RMC1: variants seen among roughly 807,000 people sequenced by gnomAD.
The protein encoded by RMC1 is regulator of MON1-CCZ1.
A neutral mutation model predicts 95.5 loss-of-function variants in RMC1; 44 were observed. That is an observed-to-expected ratio of 0.46 (90% confidence interval 0.36 to 0.59). RMC1 has a LOEUF of 0.59. Ranked by LOEUF, RMC1 falls within the 20% of genes least tolerant of loss-of-function variation. The pLI, the probability that RMC1 is intolerant of heterozygous loss-of-function variation, is 0.00. For missense variants in RMC1, 705 were observed against 819.6 expected, an observed-to-expected ratio of 0.86 and a Z score of 1.71; for synonymous variants, 320 against 303.6, an observed-to-expected ratio of 1.05 and a Z score of -0.56.
Position 23,516,208 on chromosome 18 carries a change from G to T in RMC1, c.550-112G>T, listed in dbSNP as rs569591667. ...CTGTGAGAGGACATGGGGGACGGTG[G>T]AAAGGATCCAAAGACGAAGTCTGTG... On this transcript the variant is annotated intron_variant, in intron 6 of 19. Transcript: ENST00000269221. 1.6e-4 allele frequency: 225 copies of T among 1,393,570 alleles called. 1 individual carries two copies. In the East Asian group the frequency reaches 4.4e-3, roughly 28 times the overall value. The allele number at this position is 1,393,570 out of a possible 1,614,324, so 86.3% of individuals were successfully genotyped here. A position where few individuals can be genotyped will look rare whatever the true frequency, so the allele number is the denominator to read the frequency against.
intron 1 of RMC1, 65 bp downstream of exon 1, chr18:23,503,785 G>C (rs922802566): frequency 2.8e-5 from 39 of 1,385,464 alleles, no homozygotes; most frequent in Non-Finnish European, 8.7e-6. Context: ...GCCAAGGCCG[G>C]TCCCGCGCGA....
At chr18:23,523,555 AAAAAAAAAAAAAAAG>A (rs2058203469) in intron 10 of RMC1, among the ~76,000 whole-genome samples, 1 of 112,858 alleles carries the variant, frequency 8.9e-6, no homozygotes, top group Non-Finnish European at 2.1e-5. Flanking sequence ...AAAAAAAAAA[AAAAAAAAAAAAAAAG>A]AAAAAAAGTT....
intron 5 of RMC1, among the ~76,000 whole-genome samples, chr18:23,513,078 T>C (rs111937344): frequency 0.025 from 3,769 of 152,222 alleles, 124 homozygotes; most frequent in African/African-American, 0.087. Context: ...CTCAGCTTCC[T>C]GAATAGCTGG....
At chr18:23,507,127 T>C in intron 3 of RMC1, 73 bp downstream of exon 3, 1 of 1,085,260 alleles carries the variant, frequency 9.2e-7, no homozygotes, top group East Asian at 2.5e-5. Context: ...ATCGCAAATT[T>C]TCAGTGTTAA....
In RMC1 at chr18:23,523,999, T is replaced by C. The variant is rs538808373; in HGVS notation, c.962-131T>C. On this transcript the variant is annotated intron_variant, in intron 10 of 19. Transcript: ENST00000269221. ...GCTTTCAGTGAGACGGAACAGTTCATTTCTTCCTTGACTACAATTGAATAA... is the reference window on the plus strand; with the variant it reads ...GCTTTCAGTGAGACGGAACAGTTCACTTCTTCCTTGACTACAATTGAATAA... The C allele has an allele frequency of 3.9e-6, 4 of 1,036,042 alleles. No individual in the cohort carries two copies. The East Asian group carries it at 9.6e-5, about 25-fold the overall frequency. The allele number at this position is 1,036,042 out of a possible 1,614,324, so 64.2% of individuals were successfully genotyped here.
chr18:23,523,571 A>AG (rs2058206513), intron 10 of RMC1, among the ~76,000 whole-genome samples: 6 of 146,366 alleles, frequency 4.1e-5, no homozygotes, highest in Middle Eastern at 7.1e-3. Flanking sequence ...AAAAAAAAAG[A>AG]AAAAAAGTTA....
At chr18:23,528,181 T>G (rs947608898) in intron 14 of RMC1, 7 of 269,726 alleles carry the variant, frequency 2.6e-5, no homozygotes, top group Non-Finnish European at 4.9e-5. Flanking sequence ...CTTGGTCTAC[T>G]GTTATAGATG....
chr18:23,508,962 T>C (rs560014766), intron 4 of RMC1, among the ~76,000 whole-genome samples: 1 of 152,348 alleles, frequency 6.6e-6, no homozygotes, highest in South Asian at 2.1e-4. Flanking sequence ...AAACACAGAC[T>C]TCTCCTGTTC....
At position 23,503,564 on chromosome 18, in the gene RMC1, C is replaced by G; in HGVS notation, c.-55C>G. The G allele has an allele frequency of 7.3e-7, 1 of 1,369,320 alleles. No homozygotes were observed. The highest frequency in any genetic ancestry group is 9.9e-7 in the Non-Finnish European group (1 of 1,010,242). 84.8% of individuals were successfully genotyped at this position (1,369,320 alleles called of 1,614,324 possible). ...TCCGGGCCGGGCTCCACCGCGCATC[C>G]TGCTCCACTCTGGCGACCGCCCCCG... On this transcript the variant is annotated 5_prime_UTR_variant, in exon 1 of 20. Transcript: ENST00000269221.
chr18:23,527,366 C>T (rs1165034662), intron 13 of RMC1, among the ~76,000 whole-genome samples: 1 of 151,950 alleles, frequency 6.6e-6, no homozygotes, highest in African/African-American at 2.4e-5. Flanking sequence ...CAGTGTACCT[C>T]CAGCCTGGGC....
At chr18:23,513,211 C>T (rs1421177367) in intron 5 of RMC1, among the ~76,000 whole-genome samples, 4 of 152,222 alleles carry the variant, frequency 2.6e-5, no homozygotes, top group Non-Finnish European at 5.9e-5. Flanking sequence ...ACCTCAGCCT[C>T]CCAAAGTGCT....
intron 13 of RMC1, 115 bp downstream of exon 13, chr18:23,526,880 T>C (rs976082188): frequency 3.0e-5 from 41 of 1,387,008 alleles, no homozygotes; most frequent in Admixed American, 2.5e-4. Context: ...CACAGCCTCA[T>C]TCTTTATGTG....
At chr18:23,528,120 A>AC in intron 14 of RMC1, 1 of 462,050 alleles carries the variant, frequency 2.2e-6, no homozygotes, top group South Asian at 3.2e-5. Context: ...CTCACTTCAT[A>AC]CCTTCACTGT....
chr18:23,523,554 A>G (rs934429367), intron 10 of RMC1, among the ~76,000 whole-genome samples: 1 of 112,800 alleles, frequency 8.9e-6, no homozygotes, highest in Non-Finnish European at 2.1e-5. Flanking sequence ...AAAAAAAAAA[A>G]AAAAAAAAAA....
chr18:23,504,547 A>G (rs886103908), intron 2 of RMC1, 100 bp downstream of exon 2: 1 of 1,034,986 alleles, frequency 9.7e-7, no homozygotes, highest in Non-Finnish European at 1.5e-6. Flanking sequence ...GGTCTGCCCT[A>G]AGAGGCCTGA....
intron 7 of RMC1, among the ~76,000 whole-genome samples, chr18:23,517,602 T>C (rs113401979): frequency 8.5e-5 from 13 of 152,244 alleles, no homozygotes; most frequent in African/African-American, 2.7e-4. Flanking sequence ...AAGTTACTTC[T>C]GATTCTTCTG....
chr18:23,504,497 G>A, intron 2 of RMC1, 50 bp downstream of exon 2: 2 of 1,492,026 alleles, frequency 1.3e-6, no homozygotes, highest in Non-Finnish European at 9.3e-7. Context: ...ACAGAATGAT[G>A]TTTTTCTAAT....
chr18:23,526,689 A>C lies in RMC1; in HGVS notation c.1113A>C (p.Pro371=). 6.2e-7 allele frequency: 1 copy of C among 1,614,192 alleles called. No homozygotes were observed. The highest frequency in any genetic ancestry group is 8.5e-7 in the Non-Finnish European group (1 of 1,180,010). The change falls in exon 13 of 20, where the codon CCA becomes CCC. Residue 371 remains proline, a synonymous_variant. Transcript: ENST00000269221. ...TTGAGCCCATAGTAAATCTCTTACC[A>C]GACAAAGGAAGACTCATGGACTTTC... ...VKLEPIVNLL[P]DKGRLMDFLL...
chr18:23,517,121 T>C (rs1193293790), intron 7 of RMC1, among the ~76,000 whole-genome samples: 1 of 152,164 alleles, frequency 6.6e-6, no homozygotes, highest in East Asian at 1.9e-4. Context: ...CTAAATTACG[T>C]ATATATAGAG....
Sources: allele counts gnomAD v4.1 joint callset (sites outside exome capture counted in the v4.1 genomes callset), GRCh38; gene constraint gnomAD v4.1.1; transcripts MANE v1.5; gene names NCBI Gene and HGNC (gene_info 2026-07-23, HGNC 2026-07-21).